Variants in PKIB observed in about 807,000 individuals in gnomAD.
The protein encoded by PKIB is PKI-beta.
A neutral mutation model predicts 4.5 loss-of-function variants in PKIB; 2 were observed. The observed-to-expected ratio is 0.44, with a 90% CI of 0.18 to 1.39. The LOEUF is 1.39. Among genes scored for constraint, PKIB ranks in the 40% most tolerant of loss-of-function variants. PKIB has a pLI of 0.27. For synonymous variants in PKIB, 38 were observed against 36.0 expected (o/e 1.06, Z -0.20); for missense variants, 94 against 92.6 (o/e 1.02, Z -0.06).
intron 2 of PKIB, among the ~76,000 whole-genome samples, chr6:122,652,292 TTGTGTGTGTGTGTGTG>T (rs66695664): frequency 1.1e-4 from 16 of 142,036 alleles, no homozygotes; most frequent in Non-Finnish European, 1.7e-4. Flanking sequence ...ATATGTTGGT[TTGTGTGTGTGTGTGTG>T]TGTGTGTGTG....
chr6:122,530,580 G>T (rs1777226257), intron 2 of PKIB, among the ~76,000 whole-genome samples: 1 of 152,088 alleles, frequency 6.6e-6, no homozygotes, highest in African/African-American at 2.4e-5. Context: ...TTCAAGCAGG[G>T]AAGACTTTGC....
intron 3 of PKIB, among the ~76,000 whole-genome samples, chr6:122,685,413 A>G (rs1778055923): frequency 1.3e-5 from 2 of 152,156 alleles, no homozygotes; most frequent in Non-Finnish European, 2.9e-5. Flanking sequence ...TGCCCATTCT[A>G]TTTGGCCTCA....
chr6:122,534,023 A>T (rs767623971), intron 2 of PKIB, among the ~76,000 whole-genome samples: 13 of 151,880 alleles, frequency 8.6e-5, no homozygotes, highest in Admixed American at 7.9e-4. Context: ...CCCAACTGCC[A>T]ATATATATAA....
At chr6:122,473,964 C>T (rs1775382619) in intron 1 of PKIB, among the ~76,000 whole-genome samples, 1 of 152,192 alleles carries the variant, frequency 6.6e-6, no homozygotes, top group Non-Finnish European at 1.5e-5. Context: ...GAAAACCTGT[C>T]TCTACTAAAA....
chr6:122,521,381 TAAG>T (rs1255420119), intron 2 of PKIB, among the ~76,000 whole-genome samples: 5 of 152,104 alleles, frequency 3.3e-5, no homozygotes, highest in East Asian at 1.9e-4. Flanking sequence ...TTGTGTAGAA[TAAG>T]AAGATGACAT....
At position 122,666,995 on chromosome 6, in the gene PKIB, T is replaced by C. The variant is rs559301419; in HGVS notation, c.-75-8083T>C. On this transcript the variant is annotated intron_variant, in intron 2 of 4. Transcript: ENST00000368452. ...TGAAAGGATTCAGTGAGAGAATGTT[T>C]AATGCATCTAGAAAGTCATGGGCAC... Among the ~76,000 whole-genome samples the C allele has an allele frequency of 1.4e-4, 21 of 152,240 alleles. 1 individual carries two copies. Among genetic ancestry groups the C allele is most frequent in the African/African-American group, 5.1e-4 (21 of 41,552 alleles).
At chr6:122,696,204 G>T (rs1181784417) in intron 3 of PKIB, among the ~76,000 whole-genome samples, 1 of 152,194 alleles carries the variant, frequency 6.6e-6, no homozygotes, top group Non-Finnish European at 1.5e-5. Context: ...TGAAAGAAAA[G>T]ATTTATTGAG....
intron 2 of PKIB, among the ~76,000 whole-genome samples, chr6:122,570,304 A>T (rs1389063662): frequency 6.6e-6 from 1 of 152,076 alleles, no homozygotes; most frequent in African/African-American, 2.4e-5. Flanking sequence ...TGTACATCTA[A>T]TTGAGGGCTT....
intron 2 of PKIB, among the ~76,000 whole-genome samples, chr6:122,580,049 T>G (rs187461277): frequency 1.4e-4 from 22 of 152,312 alleles, no homozygotes; most frequent in African/African-American, 5.0e-4. Context: ...AAAAATTATG[T>G]TCAGTGAATT....
rs1288730894 is a variant in PKIB at position 122,584,651 on chromosome 6, A to G, written c.-247-1270A>G. 2.0e-5 allele frequency among the ~76,000 whole-genome samples: 3 copies of G among 152,152 alleles called. No homozygotes were observed. In the East Asian group the frequency reaches 5.8e-4, roughly 29 times the overall value. ...CAGAACTGAAGAAAAATTGAATTAT[A>G]TTTACCATTTTTTATGCTTAGAAAA... is the stretch of plus-strand genomic sequence containing the variant. On this transcript the variant is annotated intron_variant, in intron 2 of 6. Coordinates refer to the PKIB transcript ENST00000392491.
intron 2 of PKIB, among the ~76,000 whole-genome samples, chr6:122,486,277 T>A (rs1363484190): frequency 6.6e-6 from 1 of 152,160 alleles, no homozygotes; most frequent in Non-Finnish European, 1.5e-5. Flanking sequence ...CCTCCAGTCA[T>A]TTTATTCCCC....
intron 2 of PKIB, among the ~76,000 whole-genome samples, chr6:122,638,805 T>C (rs1776024011): frequency 6.6e-6 from 1 of 152,164 alleles, no homozygotes; most frequent in Non-Finnish European, 1.5e-5. Flanking sequence ...TCATTGTCCT[T>C]CCTATAAGAA....
intron 2 of PKIB, among the ~76,000 whole-genome samples, chr6:122,517,511 A>G (rs1776797906): frequency 6.6e-6 from 1 of 152,188 alleles, no homozygotes; most frequent in East Asian, 1.9e-4. Context: ...AATATTTTAG[A>G]CTGCTTGGGC....
intron 2 of PKIB, among the ~76,000 whole-genome samples, chr6:122,508,589 G>A (rs1464385196): frequency 1.3e-5 from 2 of 152,072 alleles, no homozygotes; most frequent in Non-Finnish European, 2.9e-5. Context: ...GCTCAGATAT[G>A]AGTTATATAG....
chr6:122,538,881 T>A (rs1432850841), intron 2 of PKIB, among the ~76,000 whole-genome samples: 2 of 152,218 alleles, frequency 1.3e-5, no homozygotes, highest in East Asian at 3.9e-4. Context: ...TAGTTCTCCT[T>A]GAAGAGGTCC....
chr6:122,630,516 C>G (rs1488051302), intron 1 of PKIB, among the ~76,000 whole-genome samples: 1 of 151,818 alleles, frequency 6.6e-6, no homozygotes, highest in Non-Finnish European at 1.5e-5. Flanking sequence ...TGATGGTTGT[C>G]AGGGGTTTTG....
chr6:122,475,480 T>C (rs1390506145), intron 1 of PKIB, among the ~76,000 whole-genome samples: 1 of 151,962 alleles, frequency 6.6e-6, no homozygotes, highest in Non-Finnish European at 1.5e-5. Context: ...ATAGTGAGAC[T>C]TCATCTCTAT....
chr6:122,600,334 C>T (rs1316640532), intron 3 of PKIB, among the ~76,000 whole-genome samples: 1 of 152,190 alleles, frequency 6.6e-6, no homozygotes. Flanking sequence ...ACTGACTCAA[C>T]TGTTAATCTC....
chr6:122,553,430 C>T (rs1362554657), intron 2 of PKIB, among the ~76,000 whole-genome samples: 1 of 143,148 alleles, frequency 7.0e-6, no homozygotes, highest in Admixed American at 7.7e-5. Flanking sequence ...CTAGAAATAC[C>T]TGAACTCATC....
Sources: allele counts gnomAD v4.1 joint callset (sites outside exome capture counted in the v4.1 genomes callset), GRCh38; gene constraint gnomAD v4.1.1; transcripts MANE v1.5; gene names NCBI Gene and HGNC (gene_info 2026-07-23, HGNC 2026-07-21).